The following AGTPBP1 variants were observed in gnomAD, a reference collection of about 807,000 sequenced individuals.
The protein encoded by AGTPBP1 is ATP/GTP binding carboxypeptidase 1.
In AGTPBP1, 70 loss-of-function variants were observed where a neutral mutation model predicts 143.9. The ratio of observed to expected loss-of-function variants is 0.49; its 90% confidence interval spans 0.40 to 0.59. The LOEUF (loss-of-function observed/expected upper bound fraction) is 0.59, where lower values mean the gene tolerates loss of function less well. Ranked by LOEUF, AGTPBP1 falls within the 20% of genes least tolerant of loss-of-function variation. AGTPBP1 has a pLI of 0.00. For missense variants in AGTPBP1, 1,229 were observed against 1,464.5 expected, an observed-to-expected ratio of 0.84 and a Z score of 2.62; for synonymous variants, 463 against 500.2, an observed-to-expected ratio of 0.93 and a Z score of 0.99.
At chr9:85,727,595 A>T (rs939085334) in intron 1 of AGTPBP1, among the ~76,000 whole-genome samples, 1 of 152,248 alleles carries the variant, frequency 6.6e-6, no homozygotes, top group African/African-American at 2.4e-5. Flanking sequence ...GACGAATTCC[A>T]GGAGTACTTT....
chr9:85,652,657 G>A (rs904959430), intron 11 of AGTPBP1, among the ~76,000 whole-genome samples: 45 of 152,250 alleles, frequency 3.0e-4, no homozygotes, highest in African/African-American at 1.0e-3. Flanking sequence ...CCATTTAGCA[G>A]CTCTCAAATT....
intron 3 of AGTPBP1, among the ~76,000 whole-genome samples, chr9:85,689,925 A>AAATATATAT (rs58719163): frequency 9.4e-4 from 68 of 72,496 alleles, no homozygotes; most frequent in Non-Finnish European, 1.4e-3. Context: ...AAAAAAAAAA[A>AAATATATAT]ATATATATAT....
At chr9:85,689,789 G>C (rs915884729) in intron 3 of AGTPBP1, among the ~76,000 whole-genome samples, 3 of 150,276 alleles carry the variant, frequency 2.0e-5, no homozygotes, top group Admixed American at 6.6e-5. Flanking sequence ...CCAGCTACTC[G>C]GGGGGCTGAG....
intron 14 of AGTPBP1, among the ~76,000 whole-genome samples, chr9:85,628,373 T>C (rs1013452879): frequency 6.6e-6 from 1 of 152,096 alleles, no homozygotes; most frequent in Non-Finnish European, 1.5e-5. Context: ...GAGCGACAAA[T>C]ATGATGAAAA....
At chr9:85,604,940 CAAA>C (rs1253123070) in intron 17 of AGTPBP1, among the ~76,000 whole-genome samples, 6 of 150,852 alleles carry the variant, frequency 4.0e-5, no homozygotes, top group African/African-American at 1.5e-4. Flanking sequence ...ACAGAGAAGA[CAAA>C]AGAAAAAAAA....
At chr9:85,725,027 T>C (rs1016132870) in intron 1 of AGTPBP1, among the ~76,000 whole-genome samples, 26 of 152,158 alleles carry the variant, frequency 1.7e-4, no homozygotes, top group Non-Finnish European at 3.4e-4. Flanking sequence ...AACTTGGAAG[T>C]TTAAAAACCA....
intron 14 of AGTPBP1, among the ~76,000 whole-genome samples, chr9:85,630,468 T>C (rs1011713698): frequency 1.2e-3 from 110 of 90,770 alleles, no homozygotes; most frequent in Admixed American, 6.7e-3. Flanking sequence ...GCACGATTGA[T>C]TGATTGATTG....
chr9:85,679,917 A>AT (rs1835064338), intron 4 of AGTPBP1, among the ~76,000 whole-genome samples: 2 of 152,078 alleles, frequency 1.3e-5, no homozygotes, highest in South Asian at 4.1e-4. Flanking sequence ...TTTCTCTAGT[A>AT]TTATGATTCC....
chr9:85,764,732 G>T, the AGTPBP1 span: 1 of 1,251,100 alleles, frequency 8.0e-7, no homozygotes, highest in Non-Finnish European at 1.2e-6. Context: ...TAGTTTGAAA[G>T]TATCAACTCG....
chr9:85,659,946 G>C (rs1833754067), intron 9 of AGTPBP1, among the ~76,000 whole-genome samples: 1 of 151,944 alleles, frequency 6.6e-6, no homozygotes, highest in African/African-American at 2.4e-5. Context: ...ATCTAACTGA[G>C]TGTCATACAT....
chr9:85,759,209 C>T, the AGTPBP1 span, among the ~76,000 whole-genome samples: 1 of 152,102 alleles, frequency 6.6e-6, no homozygotes, highest in Non-Finnish European at 1.5e-5. Flanking sequence ...TTAGACAGAT[C>T]CATGAGACAG....
chr9:85,708,180 T>G (rs2134440341), intron 2 of AGTPBP1, among the ~76,000 whole-genome samples: 1 of 152,310 alleles, frequency 6.6e-6, no homozygotes, highest in South Asian at 2.1e-4. Flanking sequence ...CATTGGCTCA[T>G]GGCCTCTTTT....
chr9:85,592,046 A>T (rs1440253169), intron 19 of AGTPBP1, among the ~76,000 whole-genome samples: 1 of 152,176 alleles, frequency 6.6e-6, no homozygotes, highest in Non-Finnish European at 1.5e-5. Flanking sequence ...CTAGGTCTCC[A>T]TAATAAAACC....
rs867529407 is a variant in AGTPBP1, at chr9:85,604,105, G to A, written c.2336-7656C>T. Among the ~76,000 whole-genome samples the A allele has an allele frequency of 6.6e-5, 10 of 152,142 alleles. No homozygotes were observed. The South Asian group carries it at 1.7e-3, about 25-fold the overall frequency. ...ACACAAGCCCGGCTGGAAAGCCCTT[G>A]GGCCTTGAGTGAACACATCAGCAGT... On this transcript the variant is annotated intron_variant, in intron 17 of 25. Coordinates refer to ENST00000357081, the MANE Select transcript of AGTPBP1 (RefSeq NM_001330701.2).
chr9:85,760,154 G>A, the AGTPBP1 span, among the ~76,000 whole-genome samples: 1 of 152,148 alleles, frequency 6.6e-6, no homozygotes, highest in Non-Finnish European at 1.5e-5. Context: ...AAAAGTCCAG[G>A]ATCAGACGGA....
upstream of AGTPBP1, among the ~76,000 whole-genome samples, chr9:85,746,438 A>C (rs986379004): frequency 4.6e-5 from 7 of 152,164 alleles, no homozygotes; most frequent in Admixed American, 4.6e-4. Flanking sequence ...CCTGGACAAC[A>C]TAGTGAGACC....
chr9:85,564,136 C>T (rs1271259679), intron 25 of AGTPBP1, among the ~76,000 whole-genome samples: 1 of 152,218 alleles, frequency 6.6e-6, no homozygotes, highest in African/African-American at 2.4e-5. Context: ...GGCAGGACTG[C>T]CTGGAGGCTT....
chr9:85,626,072 C>T (rs1831274152), intron 14 of AGTPBP1, among the ~76,000 whole-genome samples: 6 of 151,794 alleles, frequency 4.0e-5, no homozygotes, highest in Admixed American at 3.3e-4. Flanking sequence ...GCTAAGCATA[C>T]TAAAATAAGA....
In AGTPBP1 at chr9:85,696,023, G is replaced by A. The variant is rs192737534; in HGVS notation, c.33-3210C>T. 3.2e-3 allele frequency among the ~76,000 whole-genome samples: 487 copies of A among 152,046 alleles called. 4 individuals are homozygous for A. Among genetic ancestry groups the A allele is most frequent in the Non-Finnish European group, 3.5e-3 (240 of 67,988 alleles). ...CACCCAGCTAATTTTTATATTTTTA[G>A]TAGAGACGGGGTTTCACCACGTTGG... On this transcript the variant is annotated intron_variant, in intron 2 of 25. Transcript: ENST00000357081.
Sources: gnomAD v4.1 joint callset for allele counts (sites outside exome capture counted in the v4.1 genomes callset) on GRCh38, gnomAD v4.1.1 for gene constraint, MANE v1.5 for transcripts, NCBI Gene and HGNC (gene_info 2026-07-23, HGNC 2026-07-21) for gene names.